The following NBEA variants were observed in gnomAD, a reference collection of about 807,000 sequenced individuals.
NBEA encodes the protein lysosomal-trafficking regulator 2.
In NBEA, 44 loss-of-function variants were observed where a neutral mutation model predicts 343.4. The ratio of observed to expected loss-of-function variants is 0.13; its 90% confidence interval spans 0.10 to 0.16. The LOEUF (loss-of-function observed/expected upper bound fraction) is 0.16, where lower values mean the gene tolerates loss of function less well. NBEA is among the 10% of genes least tolerant of loss of function. The pLI, the probability that NBEA is intolerant of heterozygous loss-of-function variation, is 1.00. For missense variants in NBEA, 2,555 were observed against 3,631.3 expected (o/e 0.70, Z 7.62); for synonymous variants, 1,175 against 1,238.7 (o/e 0.95, Z 1.08).
intron 11 of NBEA, among the ~76,000 whole-genome samples, chr13:35,107,984 G>A (rs765035057): frequency 5.3e-5 from 8 of 152,008 alleles, no homozygotes; most frequent in Admixed American, 3.3e-4. Flanking sequence ...ATTTTAGTTC[G>A]TGACCGTTTA....
At chr13:35,232,784 T>A (rs1225259951) in intron 34 of NBEA, among the ~76,000 whole-genome samples, 165 bp downstream of exon 34, 4 of 152,156 alleles carry the variant, frequency 2.6e-5, no homozygotes, top group African/African-American at 9.7e-5. Context: ...TCATTTTTTT[T>A]AAATAACATG....
Position 35,475,078 on chromosome 13 carries a change from T to C in NBEA, c.6585+2542T>C, listed in dbSNP as rs773088040. 5 of 1,612,498 alleles carry C rather than the reference T, an allele frequency of 3.1e-6. No homozygotes were observed. In the South Asian group the frequency reaches 5.5e-5, roughly 18 times the overall value. On this transcript the variant is annotated intron_variant, in intron 41 of 58. Transcript: ENST00000379939. ...CATCCTCTAAAGTTTTTCCAAACTTTTCGGGTTGGTCAGGATCTCTCTTGC... is the reference window on the plus strand; with the variant it reads ...CATCCTCTAAAGTTTTTCCAAACTTCTCGGGTTGGTCAGGATCTCTCTTGC...
At chr13:35,572,358 A>G (rs893590678) in intron 45 of NBEA, among the ~76,000 whole-genome samples, 1 of 152,212 alleles carries the variant, frequency 6.6e-6, no homozygotes, top group East Asian at 1.9e-4. Context: ...GCCCTCTGAT[A>G]AGTGAAATAG....
intron 36 of NBEA, among the ~76,000 whole-genome samples, chr13:35,323,420 A>G (rs922354806): frequency 4.6e-5 from 7 of 152,060 alleles, no homozygotes; most frequent in African/African-American, 1.7e-4. Flanking sequence ...TTGTAGGGAC[A>G]TGGATGAAAT....
At position 35,040,106 on chromosome 13, in the gene NBEA, T is replaced by C. The variant is rs115590906; in HGVS notation, c.295-827T>C. Among the ~76,000 whole-genome samples the C allele has an allele frequency of 9.9e-3, 1,505 of 152,262 alleles. 29 individuals carry two copies. Among genetic ancestry groups the C allele is most frequent in the African/African-American group, 0.034 (1,409 of 41,580 alleles). Reference sequence around the variant, plus strand: ...ATTATTATTTTATTCCTAAATCTTATCGTTCTTTAGACCAAAAGGATATCC... The same window carrying C: ...ATTATTATTTTATTCCTAAATCTTACCGTTCTTTAGACCAAAAGGATATCC... On this transcript the variant is annotated intron_variant, in intron 1 of 58. Coordinates refer to ENST00000379939, the MANE Select transcript of NBEA (RefSeq NM_001385012.1).
At chr13:35,080,195 A>G (rs372483112) in intron 10 of NBEA, among the ~76,000 whole-genome samples, 1 of 152,126 alleles carries the variant, frequency 6.6e-6, no homozygotes, top group African/African-American at 2.4e-5. Flanking sequence ...GTTTATTTCC[A>G]TATCCAGAAC....
At chr13:35,448,713 G>C (rs1023648112) in intron 39 of NBEA, among the ~76,000 whole-genome samples, 4 of 152,180 alleles carry the variant, frequency 2.6e-5, no homozygotes, top group African/African-American at 9.6e-5. Context: ...TATGGTGGAA[G>C]CATAAGGGAA....
At chr13:35,547,714 C>G (rs2079124378) in intron 41 of NBEA, among the ~76,000 whole-genome samples, 1 of 151,990 alleles carries the variant, frequency 6.6e-6, no homozygotes, top group African/African-American at 2.4e-5. Context: ...ATGGTGAAAC[C>G]CCATCTCTAC....
At chr13:35,396,793 C>T (rs1292132384) in intron 38 of NBEA, among the ~76,000 whole-genome samples, 2 of 152,170 alleles carry the variant, frequency 1.3e-5, no homozygotes, top group East Asian at 1.9e-4. Context: ...GAGGCGTTTA[C>T]TCCTCCAAAC....
rs567151473 is a variant in NBEA at position 35,612,533 on chromosome 13, T to A, written c.7449+5955T>A. Among the ~76,000 whole-genome samples, 4 of 152,288 alleles carry A rather than the reference T, an allele frequency of 2.6e-5. No homozygotes were observed. The East Asian group carries it at 7.7e-4, about 29-fold the overall frequency. The stretch of plus-strand genomic sequence containing the variant: ...TTTTAGATTTATTTTAATAAAACAT[T>A]TAGTGATTCATTATAGACACAGAAT... On this transcript the variant is annotated intron_variant, in intron 48 of 58. Transcript: ENST00000379939.
chr13:35,122,288 C>G (rs1413890948), intron 16 of NBEA, among the ~76,000 whole-genome samples: 1 of 152,052 alleles, frequency 6.6e-6, no homozygotes, highest in Non-Finnish European at 1.5e-5. Flanking sequence ...TATTGTGGCA[C>G]TATTCACAAT....
chr13:35,384,998 G>A (rs1197686406), intron 38 of NBEA, among the ~76,000 whole-genome samples: 2 of 152,012 alleles, frequency 1.3e-5, no homozygotes, highest in Admixed American at 6.6e-5. Context: ...TTTCTCTTTC[G>A]AAAGTATACT....
chr13:35,236,660 G>A (rs2075251556), intron 34 of NBEA, among the ~76,000 whole-genome samples: 1 of 150,374 alleles, frequency 6.7e-6, no homozygotes, highest in Non-Finnish European at 1.5e-5. Flanking sequence ...GTTTCACTGT[G>A]TTAGCCAGGA....
chr13:35,445,458 G>T (rs528780853), intron 39 of NBEA, among the ~76,000 whole-genome samples: 10 of 151,896 alleles, frequency 6.6e-5, no homozygotes, highest in African/African-American at 2.2e-4. Flanking sequence ...TACAAATTTG[G>T]AAACTGAAAT....
At chr13:34,973,701 C>A (rs1245611677) in intron 1 of NBEA, among the ~76,000 whole-genome samples, 1 of 152,124 alleles carries the variant, frequency 6.6e-6, no homozygotes, top group Non-Finnish European at 1.5e-5. Flanking sequence ...GGAACTCTGT[C>A]CCAGGTAGGG....
chr13:35,521,611 T>C (rs1381675696), intron 41 of NBEA, among the ~76,000 whole-genome samples: 1 of 152,292 alleles, frequency 6.6e-6, no homozygotes, highest in Non-Finnish European at 1.5e-5. Context: ...AGATAAGATG[T>C]CCCTGGATCT....
At chr13:35,667,320 G>A in intron 56 of NBEA, 54 bp from the exon 57 acceptor site, 1 of 1,460,742 alleles carries the variant, frequency 6.8e-7, no homozygotes, top group Admixed American at 1.7e-5. Context: ...GTGGGAGCTA[G>A]TATGTCGTTT....
intron 43 of NBEA, 129 bp downstream of exon 43, chr13:35,551,161 T>A: frequency 1.9e-6 from 1 of 526,398 alleles, no homozygotes; most frequent in East Asian, 3.2e-5. Flanking sequence ...TCTCTGAAGG[T>A]TATTTGTAGG....
intron 41 of NBEA, among the ~76,000 whole-genome samples, chr13:35,548,613 T>C (rs755097948): frequency 3.3e-5 from 5 of 152,154 alleles, no homozygotes; most frequent in Non-Finnish European, 7.4e-5. Context: ...CCATAGTATT[T>C]TTAGTACCTT....
Sources: gnomAD v4.1 joint callset for allele counts (sites outside exome capture counted in the v4.1 genomes callset) on GRCh38, gnomAD v4.1.1 for gene constraint, MANE v1.5 for transcripts, NCBI Gene and HGNC (gene_info 2026-07-23, HGNC 2026-07-21) for gene names.